The following LHFPL3 variants were observed in gnomAD, a reference collection of about 807,000 sequenced individuals.
LHFPL3 encodes the protein LHFPL tetraspan subfamily member 3, also known as LHFPL tetraspan subfamily member 3 protein.
LHFPL3 carries 5 observed loss-of-function variants against 19.3 expected under a neutral mutation model. The observed-to-expected ratio is 0.26, with a 90% confidence interval of 0.14 to 0.54. The LOEUF is 0.54. LHFPL3 is among the 20% of genes least tolerant of loss of function. The probability of loss-of-function intolerance (pLI) is 0.94; values close to 1 mark genes in which losing one functional copy is unlikely to be tolerated. For missense variants in LHFPL3, 249 were observed against 307.4 expected (o/e 0.81, Z 1.42); for synonymous variants, 133 against 126.2 (o/e 1.05, Z -0.36).
In LHFPL3 at chr7:104,500,278, C is replaced by T. The variant is rs573440149; in HGVS notation, c.445+171054C>T. Among the ~76,000 whole-genome samples, 257 of 152,270 alleles carry T rather than the reference C, an allele frequency of 1.7e-3. 2 individuals carry two copies. The highest frequency in any genetic ancestry group is 4.5e-3 in the African/African-American group (187 of 41,556). ...AAACTGACAATTTTATCAATATCTCCGTGATTCCTTCTAATCAACTGGAGA... is the reference window on the plus strand; with the variant it reads ...AAACTGACAATTTTATCAATATCTCTGTGATTCCTTCTAATCAACTGGAGA... On this transcript the variant is annotated intron_variant, in intron 1 of 2. Transcript: ENST00000424859.
At chr7:104,703,262 T>C (rs1259827142) in intron 1 of LHFPL3, among the ~76,000 whole-genome samples, 1 of 152,230 alleles carries the variant, frequency 6.6e-6, no homozygotes, top group African/African-American at 2.4e-5. Flanking sequence ...GGATACAAAT[T>C]ATACAAATGT....
intron 1 of LHFPL3, among the ~76,000 whole-genome samples, chr7:104,663,690 C>T (rs955715497): frequency 6.6e-6 from 1 of 152,196 alleles, no homozygotes; most frequent in Admixed American, 6.5e-5. Context: ...TGGGAAACTA[C>T]ATATCTTATG....
intron 1 of LHFPL3, among the ~76,000 whole-genome samples, chr7:104,599,645 C>T (rs773079969): frequency 1.3e-5 from 2 of 152,060 alleles, no homozygotes; most frequent in East Asian, 1.9e-4. Flanking sequence ...TATAGATGAC[C>T]GACACATCAG....
chr7:104,842,383 C>T (rs534677776), intron 2 of LHFPL3, among the ~76,000 whole-genome samples: 1 of 152,034 alleles, frequency 6.6e-6, no homozygotes, highest in Non-Finnish European at 1.5e-5. Flanking sequence ...CATGGCCTGC[C>T]TGGGGAGGGG....
chr7:104,451,370 A>G (rs1290011392), intron 1 of LHFPL3, among the ~76,000 whole-genome samples: 1 of 152,224 alleles, frequency 6.6e-6, no homozygotes, highest in African/African-American at 2.4e-5. Flanking sequence ...AAGCCAATCA[A>G]TTATAAATTG....
chr7:104,828,364 A>G, intron 2 of LHFPL3, among the ~76,000 whole-genome samples: 1 of 150,200 alleles, frequency 6.7e-6, no homozygotes, highest in Non-Finnish European at 1.5e-5. Context: ...AATTCACAAG[A>G]AAAAAGGTCC....
intron 1 of LHFPL3, among the ~76,000 whole-genome samples, chr7:104,547,755 T>G (rs1794599843): frequency 6.6e-6 from 1 of 152,084 alleles, no homozygotes; most frequent in African/African-American, 2.4e-5. Flanking sequence ...AATAGGAGAA[T>G]GAAATAGAGA....
At chr7:104,520,020 G>A (rs1346899845) in intron 1 of LHFPL3, among the ~76,000 whole-genome samples, 1 of 151,714 alleles carries the variant, frequency 6.6e-6, no homozygotes, top group Non-Finnish European at 1.5e-5. Flanking sequence ...TCCCTGTCTT[G>A]TGCCGGTTTT....
chr7:104,782,005 C>T (rs1295449658), intron 2 of LHFPL3, among the ~76,000 whole-genome samples: 2 of 152,186 alleles, frequency 1.3e-5, no homozygotes, highest in Non-Finnish European at 2.9e-5. Context: ...TTACCTAAAA[C>T]AGCAACCGTT....
Position 104,460,406 on chromosome 7 carries a change from G to A in LHFPL3, c.445+131182G>A, listed in dbSNP as rs117931711. Among the ~76,000 whole-genome samples, 1,479 of 152,158 alleles carry A rather than the reference G, an allele frequency of 9.7e-3. 7 individuals are homozygous for A. Among genetic ancestry groups the A allele is most frequent in the Admixed American group, 0.017 (261 of 15,276 alleles). ...GGGTCAAGTAGTAGTTCTATTTTTG[G>A]CTTTTTGAGGAATTGACACACTGCT... is the stretch of plus-strand genomic sequence containing the variant. On this transcript the variant is annotated intron_variant, in intron 1 of 2. Transcript: ENST00000424859.
At chr7:104,329,333 G>A (rs1801525933) in intron 1 of LHFPL3, 109 bp downstream of exon 1, 3 of 1,388,634 alleles carry the variant, frequency 2.2e-6, no homozygotes, top group South Asian at 1.4e-5. Context: ...GAGCCAAGCC[G>A]CCTAATCCGC....
intron 1 of LHFPL3, among the ~76,000 whole-genome samples, chr7:104,364,272 C>T (rs1304826075): frequency 6.6e-6 from 1 of 152,162 alleles, no homozygotes; most frequent in Non-Finnish European, 1.5e-5. Context: ...GGTGGGGGGA[C>T]TTGTTTACTA....
intron 1 of LHFPL3, among the ~76,000 whole-genome samples, chr7:104,384,241 G>A (rs1185478210): frequency 1.3e-5 from 2 of 152,040 alleles, no homozygotes; most frequent in African/African-American, 4.8e-5. Flanking sequence ...TTAAATAAAA[G>A]GTTTAAGAAT....
At chr7:104,824,921 A>T (rs1790788390) in intron 2 of LHFPL3, among the ~76,000 whole-genome samples, 1 of 139,606 alleles carries the variant, frequency 7.2e-6, no homozygotes, top group African/African-American at 2.7e-5. Context: ...TAATTTTATA[A>T]TATATATACT....
chr7:104,360,626 T>C (rs1184682492), intron 1 of LHFPL3, among the ~76,000 whole-genome samples: 1 of 151,892 alleles, frequency 6.6e-6, no homozygotes, highest in African/African-American at 2.4e-5. Flanking sequence ...TTTGTAGTCA[T>C]TATATTTTCA....
chr7:104,668,936 G>A (rs1792418585), intron 1 of LHFPL3: 4 of 1,612,318 alleles, frequency 2.5e-6, no homozygotes, highest in South Asian at 2.2e-5. Flanking sequence ...CTAGAACGAC[G>A]GCCTCGGGAG....
At chr7:104,677,955 T>C (rs1290330024) in intron 1 of LHFPL3, among the ~76,000 whole-genome samples, 2 of 152,230 alleles carry the variant, frequency 1.3e-5, no homozygotes, top group Non-Finnish European at 2.9e-5. Flanking sequence ...GTGCAGTCTG[T>C]GGCAGATAGG....
chr7:104,476,808 A>G (rs751179497), intron 1 of LHFPL3, among the ~76,000 whole-genome samples: 35 of 152,012 alleles, frequency 2.3e-4, no homozygotes, highest in Non-Finnish European at 4.0e-4. Flanking sequence ...AATATTCTGG[A>G]GAAATTATTT....
intron 1 of LHFPL3, 33 bp downstream of exon 1, chr7:104,329,257 G>T (rs1801523348): frequency 5.1e-6 from 8 of 1,559,986 alleles, no homozygotes; most frequent in South Asian, 2.4e-5. Flanking sequence ...GGAGGCGGAG[G>T]ACCCCGGGGC....
Sources: allele counts gnomAD v4.1 joint callset (sites outside exome capture counted in the v4.1 genomes callset), GRCh38; gene constraint gnomAD v4.1.1; transcripts MANE v1.5; gene names NCBI Gene and HGNC (gene_info 2026-07-23, HGNC 2026-07-21).